KDM2B: variants seen among roughly 807,000 people sequenced by gnomAD.
The protein encoded by KDM2B is lysine-specific demethylase 2B.
KDM2B carries 26 observed loss-of-function variants against 150.0 expected under a neutral mutation model. The observed-to-expected ratio is 0.17, with a 90% CI of 0.13 to 0.24. The LOEUF is 0.24. Among genes scored for constraint, KDM2B ranks in the 10% least tolerant of loss-of-function variants. The pLI is 1.00. For synonymous variants in KDM2B, 734 were observed against 729.5 expected (o/e 1.01, Z -0.10); for missense variants, 1,265 against 1,816.9 (o/e 0.70, Z 5.52).
At chr12:121,427,403 A>G (rs1271756225), downstream of KDM2B, among the ~76,000 whole-genome samples, 1 of 152,154 alleles carries the variant, frequency 6.6e-6, no homozygotes, top group Non-Finnish European at 1.5e-5. Flanking sequence ...TTAACTGGGC[A>G]TGGTGGCAGG....
At chr12:121,541,827 T>G (rs1423878210) in intron 6 of KDM2B, among the ~76,000 whole-genome samples, 1 of 152,076 alleles carries the variant, frequency 6.6e-6, no homozygotes, top group African/African-American at 2.4e-5. Flanking sequence ...TCTACAAACC[T>G]GTATTCTACA....
chr12:121,558,294 T>C (rs1308694975), intron 4 of KDM2B, among the ~76,000 whole-genome samples: 1 of 151,966 alleles, frequency 6.6e-6, no homozygotes, highest in African/African-American at 2.4e-5. Flanking sequence ...ACTAAAGACC[T>C]GACCTGGGGG....
intron 4 of KDM2B, 59 bp downstream of exon 4, chr12:121,574,488 G>T: frequency 6.5e-7 from 1 of 1,539,988 alleles, no homozygotes; most frequent in Non-Finnish European, 8.9e-7. Context: ...GGTGGTGACC[G>T]CCTCTTTCCC....
intron 22 of KDM2B, among the ~76,000 whole-genome samples, chr12:121,434,992 A>C (rs1286880910): frequency 6.7e-6 from 1 of 149,162 alleles, no homozygotes; most frequent in African/African-American, 2.5e-5. Context: ...ATGACATTAG[A>C]CTTTGCAAAG....
At chr12:121,517,839 T>C (rs1413341798) in intron 9 of KDM2B, among the ~76,000 whole-genome samples, 12 of 152,106 alleles carry the variant, frequency 7.9e-5, no homozygotes, top group African/African-American at 2.9e-4. Context: ...GTTCCCTCTG[T>C]CCCACCTCCT....
chr12:121,579,508 C>T, intron 1 of KDM2B: 2 of 1,069,894 alleles, frequency 1.9e-6, no homozygotes, highest in Non-Finnish European at 2.5e-6. Context: ...CGCCGCCCGC[C>T]CGCCAGTGCA....
chr12:121,514,178 G>C (rs1489198312), intron 9 of KDM2B, among the ~76,000 whole-genome samples: 1 of 152,092 alleles, frequency 6.6e-6, no homozygotes, highest in Non-Finnish European at 1.5e-5. Context: ...GCAGTGGCAC[G>C]ATCATAGCTC....
chr12:121,470,605 G>A (rs1256545409), intron 12 of KDM2B: 4 of 152,264 alleles, frequency 2.6e-5, no homozygotes, highest in Admixed American at 2.0e-4. Flanking sequence ...GTGGGTACTT[G>A]ACAGATGAGG....
intron 6 of KDM2B, among the ~76,000 whole-genome samples, chr12:121,544,115 A>AC (rs1491497253): frequency 2.8e-5 from 3 of 108,144 alleles, no homozygotes; most frequent in African/African-American, 1.4e-4. Flanking sequence ...ACCCTGCCTC[A>AC]AAAAAAAAAA....
intron 4 of KDM2B, among the ~76,000 whole-genome samples, chr12:121,569,163 G>T (rs1890919149): frequency 6.6e-6 from 1 of 152,236 alleles, no homozygotes; most frequent in Non-Finnish European, 1.5e-5. Context: ...TTAGGGCTGT[G>T]TTTATGTCAC....
rs1338483040 is a variant in KDM2B, at chr12:121,549,225, G to A, written c.576+235C>T. ...TATACCTCTAATCTAAGTGCTTTGG[G>A]AGGCTAAGGTGAGAGGGTCACTTGA... On this transcript the variant is annotated intron_variant, in intron 5 of 22. Coordinates refer to ENST00000377071, the MANE Select transcript of KDM2B (RefSeq NM_032590.5). This position sits in a 1 kb window ranked among gnomAD's most constrained non-coding sequence, Gnocchi z 4.4. Among the ~76,000 whole-genome samples the A allele has an allele frequency of 2.0e-5, 3 of 152,228 alleles. No homozygotes were observed. The highest frequency in any genetic ancestry group is 3.4e-3 in the Middle Eastern group (1 of 294).
chr12:121,508,643 C>T lies in KDM2B; in HGVS notation c.1647+924G>A, dbSNP rs74584612. On this transcript the variant is annotated intron_variant, in intron 11 of 22. Coordinates refer to ENST00000377071, the MANE Select transcript of KDM2B (RefSeq NM_032590.5). ...TGAGACAAGAGGCAGTTCCACACAG[C>T]GGTAGACACACAGAAGCTCTGCAGT... is the stretch of plus-strand genomic sequence containing the variant. Among the ~76,000 whole-genome samples the T allele has an allele frequency of 4.7e-3, 716 of 152,290 alleles. 15 individuals carry two copies. The East Asian group carries it at 0.064, about 14-fold the overall frequency.
intron 6 of KDM2B, among the ~76,000 whole-genome samples, chr12:121,547,213 T>C (rs1889123873): frequency 6.6e-6 from 1 of 152,076 alleles, no homozygotes; most frequent in East Asian, 1.9e-4. Flanking sequence ...TCTGTCAATT[T>C]TGCTGCGACT....
chr12:121,453,434 C>G lies in KDM2B; in HGVS notation c.1735-90G>C. The G allele has an allele frequency of 5.1e-6, 5 of 978,182 alleles. No homozygotes were observed. In the South Asian group the frequency reaches 8.4e-5, roughly 16 times the overall value. The allele number at this position is 978,182 out of a possible 1,614,324, so 60.6% of individuals were successfully genotyped here. A position where few individuals can be genotyped will look rare whatever the true frequency, so the allele number is the denominator to read the frequency against. On this transcript the variant is annotated intron_variant, in intron 12 of 22. Transcript: ENST00000377071. The surrounding 1 kb of genome is among the most constrained non-coding windows in gnomAD (Gnocchi z 6.4). ...GGGTGTTAGGGAGCAAACTGTGTAC[C>G]CCCAGAAAGACACGATGGGGGCTCT... is the stretch of plus-strand genomic sequence containing the variant.
rs1331195624 is a variant in KDM2B, at chr12:121,537,924, C to T, written c.684-3334G>A. ...GGCCCGCGGTTACCCTCGGCGGCGG[C>T]GGCGGCGGCTCCCGTGCGTCCCCTT... On this transcript the variant is annotated intron_variant, in intron 6 of 22. Transcript: ENST00000377071. The surrounding 1 kb of genome is among the most constrained non-coding windows in gnomAD (Gnocchi z 8.7). 1.3e-5 allele frequency among the ~76,000 whole-genome samples: 2 copies of T among 150,684 alleles called. No individual in the cohort carries two copies. The highest frequency in any genetic ancestry group is 3.0e-5 in the Non-Finnish European group (2 of 67,566).
At chr12:121,441,870 G>T (rs1875150401) in intron 19 of KDM2B, among the ~76,000 whole-genome samples, 1 of 152,228 alleles carries the variant, frequency 6.6e-6, no homozygotes, top group South Asian at 2.1e-4. Flanking sequence ...CGGCTGGACT[G>T]AAGTTGCAAC....
At chr12:121,465,862 T>G (rs1323513196) in intron 12 of KDM2B, among the ~76,000 whole-genome samples, 1 of 152,168 alleles carries the variant, frequency 6.6e-6, no homozygotes, top group Non-Finnish European at 1.5e-5. Context: ...AATTGAAGTG[T>G]GATCTATGGA....
chr12:121,549,413 G>A lies in KDM2B; in HGVS notation c.576+47C>T, dbSNP rs782525209. On this transcript the variant is annotated intron_variant, in intron 5 of 22. Transcript: ENST00000377071. This position sits in a 1 kb window ranked among gnomAD's most constrained non-coding sequence, Gnocchi z 4.4. Reference sequence around the variant, plus strand: ...CAGGTGGCAGGGGGACAGGGAAGGAGATGAGGTGGAAGGTATCTGGGGAGG... The same window carrying A: ...CAGGTGGCAGGGGGACAGGGAAGGAAATGAGGTGGAAGGTATCTGGGGAGG... 19 of 1,506,338 alleles carry A rather than the reference G, an allele frequency of 1.3e-5. No individual in the cohort carries two copies. The East Asian group carries it at 4.1e-4, about 33-fold the overall frequency. The allele number at this position is 1,506,338 out of a possible 1,614,324, so 93.3% of individuals were successfully genotyped here.
rs904913462 is a variant in KDM2B, at chr12:121,549,947, G to A, written c.398-309C>T. ...TCCCAGCACTTTGGGAGGCCGAGGT[G>A]GAGGGATCACCTGAGGTCAGGAGTT... On this transcript the variant is annotated intron_variant, in intron 4 of 22. Transcript: ENST00000377071. This position sits in a 1 kb window ranked among gnomAD's most constrained non-coding sequence, Gnocchi z 4.4. Among the ~76,000 whole-genome samples the A allele has an allele frequency of 2.6e-5, 4 of 152,198 alleles. No individual in the cohort carries two copies. The highest frequency in any genetic ancestry group is 5.9e-5 in the Non-Finnish European group (4 of 68,036).
Sources: allele counts gnomAD v4.1 joint callset (sites outside exome capture counted in the v4.1 genomes callset), GRCh38; gene constraint gnomAD v4.1.1; non-coding constraint Gnocchi (gnomAD v3.1); transcripts MANE v1.5; gene names NCBI Gene and HGNC (gene_info 2026-07-23, HGNC 2026-07-21).